COL28A1: variants seen among roughly 807,000 people sequenced by gnomAD.
COL28A1 encodes collagen type XXVIII alpha 1 chain.
COL28A1 carries 161 observed loss-of-function variants against 150.2 expected under a neutral mutation model. The ratio of observed to expected loss-of-function variants is 1.07; its 90% confidence interval spans 0.94 to 1.22. The LOEUF is 1.22. Among genes scored for constraint, COL28A1 ranks in the 50% most tolerant of loss-of-function variants. COL28A1 has a pLI of 0.00. For missense variants in COL28A1, 1,617 were observed against 1,388.3 expected, an observed-to-expected ratio of 1.16 and a Z score of -2.62; for synonymous variants, 552 against 469.7, an observed-to-expected ratio of 1.18 and a Z score of -2.26.
At chr7:7,423,605 T>A (rs1011636470) in intron 25 of COL28A1, among the ~76,000 whole-genome samples, 46 of 152,260 alleles carry the variant, frequency 3.0e-4, no homozygotes, top group African/African-American at 1.0e-3. Context: ...GATTTTTTTT[T>A]AACAAAGTAG....
chr7:7,521,577 A>G (rs1444939967), intron 5 of COL28A1, among the ~76,000 whole-genome samples: 1 of 152,200 alleles, frequency 6.6e-6, no homozygotes, highest in Non-Finnish European at 1.5e-5. Context: ...TAAAGCACTG[A>G]TTATTTGTAT....
In COL28A1 at chr7:7,529,028, G is replaced by A. The variant is rs145067449; in HGVS notation, c.681+2320C>T. ...TCAAGAGTCAAGTTCTGGGCCCGGC[G>A]CGATGGCTCACACCTGTAATCCCAA... is the stretch of plus-strand genomic sequence containing the variant. On this transcript the variant is annotated intron_variant, in intron 3 of 34. Coordinates refer to ENST00000399429, the MANE Select transcript of COL28A1 (RefSeq NM_001037763.3). Among the ~76,000 whole-genome samples the A allele has an allele frequency of 8.6e-3, 1,311 of 152,000 alleles. 22 individuals are homozygous for A. The highest frequency in any genetic ancestry group is 0.03 in the African/African-American group (1,236 of 41,406).
chr7:7,528,531 A>G (rs1163859507), intron 3 of COL28A1, among the ~76,000 whole-genome samples: 1 of 152,224 alleles, frequency 6.6e-6, no homozygotes, highest in Non-Finnish European at 1.5e-5. Context: ...ACTCGTGTCC[A>G]TTAAATTCAA....
At chr7:7,447,256 A>T (rs924756200) in intron 18 of COL28A1, among the ~76,000 whole-genome samples, 4 of 152,102 alleles carry the variant, frequency 2.6e-5, no homozygotes, top group Non-Finnish European at 5.9e-5. Flanking sequence ...AATATCCAAC[A>T]CAATAAAAGG....
intron 27 of COL28A1, 69 bp downstream of exon 27, chr7:7,417,790 T>C (rs1784185543): frequency 7.4e-7 from 1 of 1,359,986 alleles, no homozygotes; most frequent in African/African-American, 1.4e-5. Context: ...TTTTGCGTTA[T>C]CTACAACCTC....
the COL28A1 span, among the ~76,000 whole-genome samples, chr7:7,344,314 T>C: frequency 1.3e-5 from 2 of 152,088 alleles, no homozygotes; most frequent in Admixed American, 6.6e-5. Flanking sequence ...TCATTTTTTT[T>C]CTTCTTTTCC....
chr7:7,517,531 G>A (rs1781481974), intron 7 of COL28A1, among the ~76,000 whole-genome samples: 2 of 152,218 alleles, frequency 1.3e-5, no homozygotes, highest in South Asian at 4.1e-4. Flanking sequence ...TCTCATTGGA[G>A]CCTTTCACCA....
intron 23 of COL28A1, among the ~76,000 whole-genome samples, chr7:7,434,407 C>G (rs1419348800): frequency 6.6e-6 from 1 of 152,130 alleles, no homozygotes; most frequent in African/African-American, 2.4e-5. Context: ...TGAAACTTGT[C>G]CCAAAATAAG....
intron 8 of COL28A1, among the ~76,000 whole-genome samples, chr7:7,512,890 T>G (rs556107981): frequency 6.6e-6 from 1 of 152,344 alleles, no homozygotes; most frequent in South Asian, 2.1e-4. Flanking sequence ...CTAGGGCATG[T>G]TACTGGAAGT....
At chr7:7,509,636 G>GTT (rs202091752) in intron 9 of COL28A1, among the ~76,000 whole-genome samples, 6 of 151,182 alleles carry the variant, frequency 4.0e-5, no homozygotes, top group African/African-American at 1.5e-4. Flanking sequence ...TTGGCAGTGG[G>GTT]TTTTTTTTGT....
chr7:7,369,895 G>C (rs1446195969), intron 33 of COL28A1, among the ~76,000 whole-genome samples: 3 of 152,090 alleles, frequency 2.0e-5, no homozygotes, highest in Non-Finnish European at 4.4e-5. Flanking sequence ...ACAGAACAGG[G>C]GCATGACTGT....
chr7:7,433,331 C>G (rs1038260079), intron 23 of COL28A1, among the ~76,000 whole-genome samples: 2 of 152,040 alleles, frequency 1.3e-5, no homozygotes, highest in African/African-American at 2.4e-5. Flanking sequence ...TAAGAAGGAT[C>G]TTTTAGAAGA....
chr7:7,441,791 G>A (rs1255949990), intron 20 of COL28A1, among the ~76,000 whole-genome samples: 2 of 152,052 alleles, frequency 1.3e-5, no homozygotes, highest in African/African-American at 4.8e-5. Flanking sequence ...CTATACTAAG[G>A]TCATCAGCAA....
At chr7:7,498,662 T>C (rs1193962577) in intron 11 of COL28A1, among the ~76,000 whole-genome samples, 2 of 152,202 alleles carry the variant, frequency 1.3e-5, no homozygotes, top group African/African-American at 4.8e-5. Context: ...ACCCTTGGAA[T>C]ACAATTAATT....
chr7:7,486,578 T>C (rs1459232574), intron 13 of COL28A1, among the ~76,000 whole-genome samples: 1 of 152,212 alleles, frequency 6.6e-6, no homozygotes, highest in Non-Finnish European at 1.5e-5. Context: ...AGATTTCTCA[T>C]AGAAATTGAG....
chr7:7,354,276 G>A (rs1017341098), downstream of COL28A1, among the ~76,000 whole-genome samples: 1 of 152,032 alleles, frequency 6.6e-6, no homozygotes, highest in African/African-American at 2.4e-5. Context: ...TTACAGGCAT[G>A]AGCCACCGCA....
At chr7:7,352,755 CATT>C (rs1200223981), downstream of COL28A1, among the ~76,000 whole-genome samples, 1 of 152,174 alleles carries the variant, frequency 6.6e-6, no homozygotes. Context: ...TAACATAACA[CATT>C]GTTGTTGTTT....
chr7:7,360,835 A>G (rs183866004), intron 33 of COL28A1, among the ~76,000 whole-genome samples: 400 of 152,314 alleles, frequency 2.6e-3, no homozygotes, highest in Non-Finnish European at 3.9e-3. Flanking sequence ...TGGGACATCC[A>G]AAGCAGATGT....
chr7:7,472,278 C>T (rs906552389), intron 15 of COL28A1, among the ~76,000 whole-genome samples: 3 of 152,130 alleles, frequency 2.0e-5, no homozygotes, highest in Non-Finnish European at 2.9e-5. Flanking sequence ...ACCCTAAAGA[C>T]TCCTCCAGAA....
Sources: allele counts gnomAD v4.1 joint callset (sites outside exome capture counted in the v4.1 genomes callset), GRCh38; gene constraint gnomAD v4.1.1; transcripts MANE v1.5; gene names NCBI Gene and HGNC (gene_info 2026-07-23, HGNC 2026-07-21).